Variants in PDE10A observed in about 807,000 individuals in gnomAD.
The protein encoded by PDE10A is cAMP and cAMP-inhibited cGMP 3',5'-cyclic phosphodiesterase 10A.
A neutral mutation model predicts 97.7 loss-of-function variants in PDE10A; 39 were observed. The observed-to-expected ratio is 0.40, with a 90% CI of 0.31 to 0.52. The LOEUF is 0.52. Among genes scored for constraint, PDE10A ranks in the 20% least tolerant of loss-of-function variants. The pLI is 0.56. For missense variants in PDE10A, 731 were observed against 1,047.8 expected (o/e 0.70, Z 4.17); for synonymous variants, 371 against 376.8 (o/e 0.98, Z 0.18).
At chr6:165,511,900 G>C (rs1320381859) in intron 2 of PDE10A, among the ~76,000 whole-genome samples, 2 of 151,904 alleles carry the variant, frequency 1.3e-5, no homozygotes, top group African/African-American at 4.8e-5. Flanking sequence ...TTCACTCTAT[G>C]TGTGTCTTTA....
At chr6:165,559,390 C>A (rs544851801) in intron 1 of PDE10A, among the ~76,000 whole-genome samples, 12 of 152,308 alleles carry the variant, frequency 7.9e-5, no homozygotes, top group Middle Eastern at 3.4e-3. Flanking sequence ...AATACTGAAT[C>A]ATATCCTATG....
At chr6:165,373,935 C>T (rs1256623932) in intron 18 of PDE10A, among the ~76,000 whole-genome samples, 1 of 151,616 alleles carries the variant, frequency 6.6e-6, no homozygotes, top group African/African-American at 2.4e-5. Context: ...TTTGTAGGGA[C>T]ATGGATGAAA....
intron 1 of PDE10A, among the ~76,000 whole-genome samples, chr6:165,638,917 T>C (rs918967071): frequency 6.6e-6 from 1 of 152,214 alleles, no homozygotes; most frequent in Admixed American, 6.5e-5. Context: ...TTACATTCTG[T>C]GTCCTCCAGA....
chr6:165,592,970 A>T (rs1786368331), intron 1 of PDE10A, among the ~76,000 whole-genome samples: 1 of 152,220 alleles, frequency 6.6e-6, no homozygotes, highest in South Asian at 2.1e-4. Flanking sequence ...AAGGATTATA[A>T]ATCATGCTGC....
chr6:165,425,799 GTA>G (rs1491574618), intron 10 of PDE10A, among the ~76,000 whole-genome samples: 25 of 149,520 alleles, frequency 1.7e-4, no homozygotes, highest in African/African-American at 2.2e-4. Context: ...GTGTGTGTGT[GTA>G]TGTATGTAAT....
At position 165,379,055 on chromosome 6, in the gene PDE10A, T is replaced by G. The variant is rs1189928041; in HGVS notation, c.2783+139A>C. On this transcript the variant is annotated intron_variant, in intron 18 of 21. Coordinates refer to ENST00000539869, the MANE Select transcript of PDE10A (RefSeq NM_001385079.1). ...GCATCTAAAGTAAATATAAACAAGA[T>G]GTACATAAAGTGAAAAACATGTAAA... 8.5e-6 allele frequency: 5 copies of G among 589,234 alleles called. No individual in the cohort carries two copies. In the African/African-American group the frequency reaches 9.6e-5, roughly 11 times the overall value. The allele number at this position is 589,234 out of a possible 1,614,324, so 36.5% of individuals were successfully genotyped here. A position where few individuals can be genotyped will look rare whatever the true frequency, so the allele number is the denominator to read the frequency against.
chr6:165,648,211 A>G (rs1201269038), intron 1 of PDE10A, among the ~76,000 whole-genome samples: 5 of 151,838 alleles, frequency 3.3e-5, no homozygotes, highest in African/African-American at 1.2e-4. Flanking sequence ...ACGGGGTTTC[A>G]CCATATTAGC....
chr6:165,776,613 G>T (rs1217723524), intron 1 of PDE10A, among the ~76,000 whole-genome samples: 1 of 152,112 alleles, frequency 6.6e-6, no homozygotes, highest in Non-Finnish European at 1.5e-5. Context: ...AAGTTTCTCC[G>T]TATTATGCTC....
chr6:165,951,837 T>G (rs1279753093), intron 1 of PDE10A, among the ~76,000 whole-genome samples: 1 of 152,242 alleles, frequency 6.6e-6, no homozygotes, highest in African/African-American at 2.4e-5. Flanking sequence ...TTCCATTTAT[T>G]CATTCAACAA....
rs1385021163 is a variant in PDE10A, at chr6:165,418,455, C to T, written c.1796+180G>A. On this transcript the variant is annotated intron_variant, in intron 11 of 21. Transcript: ENST00000539869. The surrounding 1 kb of genome is among the most constrained non-coding windows in gnomAD (Gnocchi z 4.8). The stretch of plus-strand genomic sequence containing the variant: ...CTAAGGCTTCCTAGGCGCGGTTTCT[C>T]GGGCACTGCCTGCAATGTCATTCCC... 1.3e-5 allele frequency among the ~76,000 whole-genome samples: 2 copies of T among 152,138 alleles called. No individual in the cohort carries two copies. Among genetic ancestry groups the T allele is most frequent in the East Asian group, 1.9e-4 (1 of 5,198 alleles).
At chr6:165,374,399 A>G (rs1194614110) in intron 18 of PDE10A, among the ~76,000 whole-genome samples, 2 of 152,026 alleles carry the variant, frequency 1.3e-5, no homozygotes, top group Non-Finnish European at 2.9e-5. Context: ...AATGTAAAGA[A>G]ATATGTGTAA....
intron 6 of PDE10A, among the ~76,000 whole-genome samples, chr6:165,433,874 G>A (rs1004473557): frequency 6.6e-6 from 1 of 151,606 alleles, no homozygotes; most frequent in African/African-American, 2.4e-5. Flanking sequence ...CAAATTAGCC[G>A]GGCGCGGTGG....
Position 165,819,488 on chromosome 6 carries a change from G to A in PDE10A, c.-615+168041C>T, listed in dbSNP as rs1032178168. On this transcript the variant is annotated intron_variant, in intron 1 of 19. Transcript: ENST00000366882. The surrounding 1 kb of genome is among the most constrained non-coding windows in gnomAD (Gnocchi z 4.2). ...TCCGAGACACGCTTGCACCCTGCAC[G>A]TGCTGCCCTCTGACTGCAGGGTGCC... Among the ~76,000 whole-genome samples, 3 of 152,080 alleles carry A rather than the reference G, an allele frequency of 2.0e-5. No homozygotes were observed. Among genetic ancestry groups the A allele is most frequent in the African/African-American group, 7.2e-5 (3 of 41,404 alleles).
chr6:165,970,467 A>C (rs918817079), intron 1 of PDE10A, among the ~76,000 whole-genome samples: 1 of 152,194 alleles, frequency 6.6e-6, no homozygotes, highest in African/African-American at 2.4e-5. Flanking sequence ...TCTACTGTAC[A>C]TGCATGTTTT....
chr6:165,761,277 G>A (rs1317570841), intron 1 of PDE10A, among the ~76,000 whole-genome samples: 1 of 152,222 alleles, frequency 6.6e-6, no homozygotes, highest in East Asian at 1.9e-4. Flanking sequence ...ACAAAACGAG[G>A]CTAAATATCC....
chr6:165,923,774 GTT>G (rs10718304), intron 1 of PDE10A, among the ~76,000 whole-genome samples: 11 of 149,376 alleles, frequency 7.4e-5, no homozygotes, highest in African/African-American at 1.2e-4. Context: ...AATTAACTGT[GTT>G]TTTTTTTTTA....
chr6:165,768,563 T>A (rs1465917938), intron 1 of PDE10A, among the ~76,000 whole-genome samples: 4 of 152,144 alleles, frequency 2.6e-5, no homozygotes, highest in Admixed American at 1.3e-4. Context: ...TTTAATAACG[T>A]TTGAACACCT....
intron 20 of PDE10A, among the ~76,000 whole-genome samples, chr6:165,336,443 C>A (rs1781653066): frequency 6.6e-6 from 1 of 152,090 alleles, no homozygotes; most frequent in South Asian, 2.1e-4. Context: ...AAACATATTA[C>A]AAAGGTTAAT....
At chr6:165,755,271 G>A (rs1464662821) in intron 1 of PDE10A, among the ~76,000 whole-genome samples, 1 of 152,156 alleles carries the variant, frequency 6.6e-6, no homozygotes, top group South Asian at 2.1e-4. Context: ...TCACTTAGTG[G>A]CAATTATTAT....
Sources: gnomAD v4.1 joint callset for allele counts (sites outside exome capture counted in the v4.1 genomes callset) on GRCh38, gnomAD v4.1.1 for gene constraint, Gnocchi (gnomAD v3.1) non-coding constraint, MANE v1.5 for transcripts, NCBI Gene and HGNC (gene_info 2026-07-23, HGNC 2026-07-21) for gene names.